SYN2: variants seen among roughly 807,000 people sequenced by gnomAD.
SYN2 encodes the protein synapsin-2.
SYN2 carries 19 observed loss-of-function variants against 50.9 expected under a neutral mutation model. The observed-to-expected ratio is 0.37, with a 90% CI of 0.26 to 0.55. SYN2 has a LOEUF of 0.55. SYN2 is among the 20% of genes least tolerant of loss of function. The pLI is 0.81. For synonymous variants in SYN2, 255 were observed against 224.9 expected, an observed-to-expected ratio of 1.13 and a Z score of -1.20; for missense variants, 587 against 576.4, an observed-to-expected ratio of 1.02 and a Z score of -0.19.
chr3:12,126,386 T>C (rs1696672636), intron 1 of SYN2, among the ~76,000 whole-genome samples: 1 of 152,232 alleles, frequency 6.6e-6, no homozygotes, highest in African/African-American at 2.4e-5. Context: ...ATTTGTGAAT[T>C]TCACTTTCAT....
At chr3:12,067,137 T>C (rs1290682929) in intron 1 of SYN2, among the ~76,000 whole-genome samples, 1 of 152,162 alleles carries the variant, frequency 6.6e-6, no homozygotes, top group Non-Finnish European at 1.5e-5. Context: ...AGATGAGATT[T>C]GCGTGGGGAT....
At chr3:12,093,240 A>G (rs184262) in intron 1 of SYN2, among the ~76,000 whole-genome samples, 129,652 of 152,114 alleles carry the variant, frequency 0.85, 55,384 homozygotes, top group East Asian at 0.97. Flanking sequence ...TAAAACCTTC[A>G]TTCAAGCCTC....
At chr3:12,052,448 C>G (rs1417568721) in intron 1 of SYN2, among the ~76,000 whole-genome samples, 1 of 152,040 alleles carries the variant, frequency 6.6e-6, no homozygotes, top group Non-Finnish European at 1.5e-5. Context: ...ACTGTTAAGA[C>G]TTAATTGTTG....
chr3:12,072,542 G>A (rs1244578966), intron 1 of SYN2, among the ~76,000 whole-genome samples: 1 of 152,162 alleles, frequency 6.6e-6, no homozygotes, highest in Non-Finnish European at 1.5e-5. Context: ...TTTGGATATC[G>A]ATATATGGTT....
At chr3:12,035,344 A>C (rs1453152059) in intron 1 of SYN2, among the ~76,000 whole-genome samples, 4 of 152,198 alleles carry the variant, frequency 2.6e-5, no homozygotes, top group African/African-American at 9.7e-5. Flanking sequence ...CCAGAGTTGC[A>C]CACTGGTAGT....
intron 1 of SYN2, among the ~76,000 whole-genome samples, chr3:12,046,865 CGAGGAACATTG>C (rs1559398119): frequency 6.6e-6 from 1 of 151,988 alleles, no homozygotes; most frequent in Non-Finnish European, 1.5e-5. Flanking sequence ...TTTACTGATA[CGAGGAACATTG>C]AAGGAACCTG....
intron 1 of SYN2, among the ~76,000 whole-genome samples, chr3:12,012,769 CCTTG>C (rs1182096440): frequency 6.6e-6 from 1 of 152,132 alleles, no homozygotes; most frequent in Middle Eastern, 3.2e-3. Context: ...TTCTGCATGA[CCTTG>C]CTTAAGATTT....
intron 1 of SYN2, among the ~76,000 whole-genome samples, chr3:12,092,072 C>G (rs995750497): frequency 5.3e-5 from 8 of 151,910 alleles, no homozygotes; most frequent in Admixed American, 2.0e-4. Flanking sequence ...AAAGAAAATT[C>G]ATTTTTTTAA....
chr3:12,110,598 A>G (rs1184151412), intron 1 of SYN2, among the ~76,000 whole-genome samples: 3 of 152,144 alleles, frequency 2.0e-5, no homozygotes, highest in East Asian at 1.9e-4. Flanking sequence ...AGGCATTTCT[A>G]TACATCCTCC....
At chr3:12,144,006 G>A (rs764804913) in intron 3 of SYN2, among the ~76,000 whole-genome samples, 1 of 152,202 alleles carries the variant, frequency 6.6e-6, no homozygotes, top group African/African-American at 2.4e-5. Flanking sequence ...TGGAGGTGGT[G>A]GGCGGATGGC....
At chr3:12,047,981 C>A (rs1395481756) in intron 1 of SYN2, among the ~76,000 whole-genome samples, 1 of 152,172 alleles carries the variant, frequency 6.6e-6, no homozygotes, top group Admixed American at 6.5e-5. Context: ...GATTGTGAGA[C>A]CCTCTACAAG....
At position 12,187,514 on chromosome 3, in the gene SYN2, C is replaced by T. The variant is rs751331771; in HGVS notation, c.1515C>T (p.Thr505=). Residue 505 remains threonine (T), a synonymous_variant, in exon 12 of 13, where the codon ACC becomes ACT. Transcript: ENST00000621198. ...SSAPQRPGGP[T]THGDAPSSSS... is the part of the protein sequence containing the mutation. Reference sequence around the variant, plus strand: ...CTCCTCAGCGGCCGGGCGGCCCCACCACCCACGGAGATGCACCCTCCAGCA... The same window carrying T: ...CTCCTCAGCGGCCGGGCGGCCCCACTACCCACGGAGATGCACCCTCCAGCA... 134 of 1,553,188 alleles carry T rather than the reference C, an allele frequency of 8.6e-5. No individual in the cohort carries two copies. Among genetic ancestry groups the T allele is most frequent in the Middle Eastern group, 1.7e-4 (1 of 6,018 alleles).
In SYN2 at chr3:12,153,266, A is replaced by G. The variant is rs1433944066; in HGVS notation, c.774+1940A>G. On this transcript the variant is annotated intron_variant, in intron 5 of 12. Transcript: ENST00000621198. The stretch of plus-strand genomic sequence containing the variant: ...CTGGCTTTAGAAAACAGACTAAGCC[A>G]GAAGAAACACTTGCAGTAACAGCTA... The G allele has an allele frequency of 1.1e-5, 6 of 562,224 alleles. No individual in the cohort carries two copies. The East Asian group carries it at 1.8e-4, about 17-fold the overall frequency. 34.8% of individuals were successfully genotyped at this position (562,224 alleles called of 1,614,324 possible).
At chr3:12,038,735 AT>A (rs1373475158) in intron 1 of SYN2, among the ~76,000 whole-genome samples, 3 of 152,118 alleles carry the variant, frequency 2.0e-5, no homozygotes, top group African/African-American at 7.2e-5. Flanking sequence ...TAGAAATACA[AT>A]TGATTTTTGT....
At chr3:12,017,755 GC>G (rs1243516864) in intron 1 of SYN2, among the ~76,000 whole-genome samples, 2 of 152,156 alleles carry the variant, frequency 1.3e-5, no homozygotes, top group African/African-American at 4.8e-5. Context: ...ATTTATAGGA[GC>G]CTTCAAGTGA....
intron 3 of SYN2, among the ~76,000 whole-genome samples, chr3:12,143,985 G>A (rs1358675332): frequency 6.6e-6 from 1 of 152,234 alleles, no homozygotes; most frequent in Non-Finnish European, 1.5e-5. Flanking sequence ...CAGCCTGGGT[G>A]CAGCTGGGGC....
chr3:12,130,935 G>A (rs888443796), intron 1 of SYN2, among the ~76,000 whole-genome samples: 1 of 152,218 alleles, frequency 6.6e-6, no homozygotes, highest in African/African-American at 2.4e-5. Context: ...TTCCTAAGGA[G>A]GCAGAACTTG....
intron 1 of SYN2, among the ~76,000 whole-genome samples, chr3:12,101,938 C>T (rs887877024): frequency 6.6e-6 from 1 of 152,042 alleles, no homozygotes; most frequent in Admixed American, 6.6e-5. Context: ...TGCAATTTAG[C>T]CTAGCAACTA....
chr3:12,151,277 A>G lies in SYN2; in HGVS notation c.725A>G (p.Glu242Gly). The part of the protein sequence containing the change: ...LVAIYKTLGG[E>G]KFPLIEQTYY... The stretch of plus-strand genomic sequence containing the variant: ...GCTATCTATAAGACACTGGGAGGAG[A>G]AAAGTTCCCTCTCATTGAACAGACA... Residue 242 changes from glutamate to glycine, a missense_variant, in exon 5 of 13, where the codon GAA (glutamate) becomes GGA (glycine). Transcript: ENST00000621198. The G allele has an allele frequency of 6.2e-7, 1 of 1,613,504 alleles. No individual in the cohort carries two copies. The highest frequency in any genetic ancestry group is 8.5e-7 in the Non-Finnish European group (1 of 1,179,758).
Sources: gnomAD v4.1 joint callset for allele counts (sites outside exome capture counted in the v4.1 genomes callset) on GRCh38, gnomAD v4.1.1 for gene constraint, MANE v1.5 for transcripts, NCBI Gene and HGNC (gene_info 2026-07-23, HGNC 2026-07-21) for gene names.